The following TDRD3 variants were observed in gnomAD, a reference collection of about 807,000 sequenced individuals.
The protein encoded by TDRD3 is tudor domain-containing protein 3.
A neutral mutation model predicts 86.7 loss-of-function variants in TDRD3; 45 were observed. The observed-to-expected ratio is 0.52, with a 90% CI of 0.41 to 0.67. TDRD3 has a LOEUF of 0.67. Ranked by LOEUF, TDRD3 falls within the 30% of genes least tolerant of loss-of-function variation. The pLI is 0.00. For synonymous variants in TDRD3, 298 were observed against 301.7 expected (o/e 0.99, Z 0.13); for missense variants, 814 against 889.0 (o/e 0.92, Z 1.07).
At chr13:60,488,349 T>G (rs930600556) in intron 7 of TDRD3, among the ~76,000 whole-genome samples, 4 of 152,202 alleles carry the variant, frequency 2.6e-5, no homozygotes, top group African/African-American at 9.7e-5. Context: ...TGTCATTTCC[T>G]GAGGAAAGAA....
rs201257520 is a variant in TDRD3 at position 60,501,070 on chromosome 13, TG to T, written c.858+6497del. On this transcript the variant is annotated intron_variant, in intron 8 of 13. Coordinates refer to ENST00000377881, the MANE Select transcript of TDRD3 (RefSeq NM_001146070.2). ...TTGGGGTGATCAGCCAGCTACCTGT[TG>T]GCACGTTGATTATATTGCACATTTT... is the stretch of plus-strand genomic sequence containing the variant. 6.3e-3 allele frequency among the ~76,000 whole-genome samples: 955 copies of T among 152,308 alleles called. 13 individuals are homozygous for T. Among genetic ancestry groups the T allele is most frequent in the African/African-American group, 0.022 (909 of 41,556 alleles).
chr13:60,440,003 C>T (rs551260621), intron 2 of TDRD3, among the ~76,000 whole-genome samples: 1 of 152,100 alleles, frequency 6.6e-6, no homozygotes, highest in South Asian at 2.1e-4. Flanking sequence ...AATTAACATC[C>T]CTTTTTTTCA....
chr13:60,488,058 C>T (rs571058165), intron 7 of TDRD3, among the ~76,000 whole-genome samples: 16 of 152,282 alleles, frequency 1.1e-4, no homozygotes, highest in Middle Eastern at 3.4e-3. Context: ...TCCTGCTGCT[C>T]ACTGCACAGT....
At chr13:60,496,814 C>G (rs1956729102) in intron 8 of TDRD3, among the ~76,000 whole-genome samples, 1 of 152,126 alleles carries the variant, frequency 6.6e-6, no homozygotes, top group Non-Finnish European at 1.5e-5. Flanking sequence ...CTTATTGTTA[C>G]TGGAGGGTCC....
At chr13:60,483,714 A>T in intron 5 of TDRD3, 61 bp from the exon 6 acceptor site, 1 of 1,486,866 alleles carries the variant, frequency 6.7e-7, no homozygotes, top group East Asian at 2.4e-5. Context: ...GTTACATTAT[A>T]AATGCTGGAA....
At chr13:60,555,347 G>C (rs902835015) in intron 12 of TDRD3, among the ~76,000 whole-genome samples, 3 of 152,180 alleles carry the variant, frequency 2.0e-5, no homozygotes, top group Non-Finnish European at 4.4e-5. Flanking sequence ...ATTACCATTG[G>C]AATGCTTATT....
At chr13:60,434,709 C>A (rs1438539404) in intron 1 of TDRD3, among the ~76,000 whole-genome samples, 1 of 151,774 alleles carries the variant, frequency 6.6e-6, no homozygotes, top group Non-Finnish European at 1.5e-5. Flanking sequence ...AAAAAGTGTG[C>A]TTTTGCTGGC....
At position 60,487,096 on chromosome 13, in the gene TDRD3, A is replaced by G. The variant is rs147819190; in HGVS notation, c.717+1148A>G. Among the ~76,000 whole-genome samples the G allele has an allele frequency of 5.0e-3, 756 of 152,132 alleles. 3 individuals are homozygous for G. Among genetic ancestry groups the G allele is most frequent in the Middle Eastern group, 0.024 (7 of 294 alleles). ...GTTGCATCTGTACTAAATGTGTACA[A>G]ACTTTTTTTTTGTCTTGTGATTATT... On this transcript the variant is annotated intron_variant, in intron 7 of 13. Transcript: ENST00000377881.
chr13:60,520,708 G>C (rs1957269222), intron 10 of TDRD3, among the ~76,000 whole-genome samples: 1 of 152,164 alleles, frequency 6.6e-6, no homozygotes, highest in Non-Finnish European at 1.5e-5. Context: ...CTTTCATATA[G>C]AGTGACTAGG....
At chr13:60,505,085 A>G (rs1483453844) in intron 8 of TDRD3, among the ~76,000 whole-genome samples, 2 of 152,066 alleles carry the variant, frequency 1.3e-5, no homozygotes, top group Admixed American at 1.3e-4. Flanking sequence ...TGCCAGTGAG[A>G]CAGAACTGTT....
Position 60,535,037 on chromosome 13 carries a change from C to A in TDRD3, c.1993-71C>A. 7.5e-6 allele frequency: 11 copies of A among 1,472,544 alleles called. No individual in the cohort carries two copies. The East Asian group carries it at 8.3e-5, about 11-fold the overall frequency. The allele number at this position is 1,472,544 out of a possible 1,614,324, so 91.2% of individuals were successfully genotyped here. ...CACATTGGAACACTTTAAAAATTTACATTTCCCTCAAATATTGCCCTTTAT... is the reference window on the plus strand; with the variant it reads ...CACATTGGAACACTTTAAAAATTTAAATTTCCCTCAAATATTGCCCTTTAT... On this transcript the variant is annotated intron_variant, in intron 11 of 13. Coordinates refer to ENST00000377881, the MANE Select transcript of TDRD3 (RefSeq NM_001146070.2).
chr13:60,528,906 G>A lies in TDRD3; in HGVS notation c.1681G>A (p.Gly561Ser). The A allele has an allele frequency of 6.2e-7, 1 of 1,612,690 alleles. No individual in the cohort carries two copies. Among genetic ancestry groups the A allele is most frequent in the Non-Finnish European group, 8.5e-7 (1 of 1,179,522 alleles). Reference protein sequence around the residue: ...SQTINNEAFSGIKIEKHFNVN... With the variant: ...SQTINNEAFSSIKIEKHFNVN... ...AACAATAAATAATGAAGCTTTCAGT[G>A]GTATAAAAATTGAAAAACATTTTAA... The change falls in exon 11 of 14, where the codon GGT (glycine) becomes AGT (serine). Residue 561 changes from glycine (G) to serine (S), a missense_variant. Coordinates refer to ENST00000377881, the MANE Select transcript of TDRD3 (RefSeq NM_001146070.2).
At chr13:60,565,648 T>C (rs1207482164) in intron 12 of TDRD3, among the ~76,000 whole-genome samples, 1 of 152,158 alleles carries the variant, frequency 6.6e-6, no homozygotes, top group East Asian at 1.9e-4. Flanking sequence ...TCCAGCCAAT[T>C]CTGCAGCCAA....
At chr13:60,555,480 A>G (rs1326386964) in intron 12 of TDRD3, among the ~76,000 whole-genome samples, 4 of 152,172 alleles carry the variant, frequency 2.6e-5, no homozygotes, top group Non-Finnish European at 4.4e-5. Flanking sequence ...ATGGGTTCAG[A>G]GCTGTTAAGT....
chr13:60,476,193 A>G (rs1362631760), intron 5 of TDRD3, among the ~76,000 whole-genome samples: 2 of 152,056 alleles, frequency 1.3e-5, no homozygotes, highest in Admixed American at 6.6e-5. Flanking sequence ...AAAGTCTTTA[A>G]TTCTTCTTGA....
chr13:60,517,646 G>A (rs1291863385), intron 10 of TDRD3, among the ~76,000 whole-genome samples: 1 of 152,110 alleles, frequency 6.6e-6, no homozygotes, highest in Non-Finnish European at 1.5e-5. Flanking sequence ...TTTTCTTCCT[G>A]TAAAGCTGAT....
intron 3 of TDRD3, among the ~76,000 whole-genome samples, chr13:60,445,227 T>C (rs994349488): frequency 6.6e-6 from 1 of 152,242 alleles, no homozygotes; most frequent in Non-Finnish European, 1.5e-5. Flanking sequence ...ATTCGTGTTA[T>C]GAATTTTTTT....
intron 8 of TDRD3, among the ~76,000 whole-genome samples, chr13:60,495,989 G>A (rs1428701716): frequency 6.6e-6 from 1 of 151,988 alleles, no homozygotes; most frequent in African/African-American, 2.4e-5. Context: ...CTGTGAGGGT[G>A]TTGCCAAAGG....
chr13:60,499,934 GT>G (rs1246629050), intron 8 of TDRD3, among the ~76,000 whole-genome samples: 3 of 152,200 alleles, frequency 2.0e-5, no homozygotes, highest in Non-Finnish European at 4.4e-5. Flanking sequence ...TCTGCAACAG[GT>G]CCAGGCTGCT....
Sources: gnomAD v4.1 joint callset for allele counts (sites outside exome capture counted in the v4.1 genomes callset) on GRCh38, gnomAD v4.1.1 for gene constraint, MANE v1.5 for transcripts, NCBI Gene and HGNC (gene_info 2026-07-23, HGNC 2026-07-21) for gene names.